The following CLOCK variants were observed in gnomAD, a reference collection of about 807,000 sequenced individuals.
CLOCK encodes circadian locomoter output cycles protein kaput.
In CLOCK, 43 loss-of-function variants were observed where a neutral mutation model predicts 118.4. The observed-to-expected ratio is 0.36, with a 90% CI of 0.28 to 0.47. The LOEUF (loss-of-function observed/expected upper bound fraction) is 0.47. CLOCK is among the 20% of genes least tolerant of loss of function. The pLI is 1.00. For synonymous variants in CLOCK, 326 were observed against 339.2 expected, an observed-to-expected ratio of 0.96 and a Z score of 0.43; for missense variants, 846 against 999.9, an observed-to-expected ratio of 0.85 and a Z score of 2.08.
At chr4:55,444,424 C>T (rs766996915) in intron 19 of CLOCK, among the ~76,000 whole-genome samples, 9 of 152,034 alleles carry the variant, frequency 5.9e-5, no homozygotes, top group Non-Finnish European at 1.3e-4. Flanking sequence ...ACTGGAGAAA[C>T]AAGGATGTTG....
At chr4:55,490,655 T>C (rs925785101) in intron 2 of CLOCK, among the ~76,000 whole-genome samples, 16 of 152,212 alleles carry the variant, frequency 1.1e-4, no homozygotes, top group Non-Finnish European at 1.9e-4. Flanking sequence ...CTTTAAATCA[T>C]CTCTAGATTA....
At position 55,453,088 on chromosome 4, in the gene CLOCK, A is replaced by G; in HGVS notation, c.1172T>C (p.Ile391Thr). Residue 391 changes from isoleucine (I) to threonine (T), a missense_variant, in exon 15 of 23, where the codon ATT becomes ACT. Around this residue, in one of 4 missense-constraint regions of CLOCK, gnomAD observed 520 missense variants for 558.0 expected, o/e 0.93. Coordinates refer to ENST00000513440, the MANE Select transcript of CLOCK (RefSeq NM_004898.4). ...VRAERRRELG[I>T]EESLPETAAD... The stretch of plus-strand genomic sequence containing the variant: ...AGCTGTCTCAGGAAGAGACTCTTCA[A>G]TGCCAAGTTCTCGTCGTCTTTCAGC... 1 of 1,612,792 alleles carries G rather than the reference A, an allele frequency of 6.2e-7. No individual in the cohort carries two copies. Among genetic ancestry groups the G allele is most frequent in the Non-Finnish European group, 8.5e-7 (1 of 1,179,122 alleles).
At chr4:55,472,758 G>C (rs936530689) in intron 7 of CLOCK, among the ~76,000 whole-genome samples, 1 of 151,220 alleles carries the variant, frequency 6.6e-6, no homozygotes, top group African/African-American at 2.4e-5. Flanking sequence ...TTGGGAAAGA[G>C]ATCTGGATAT....
chr4:55,491,549 T>C (rs1727694584), intron 2 of CLOCK, among the ~76,000 whole-genome samples: 1 of 152,032 alleles, frequency 6.6e-6, no homozygotes, highest in Non-Finnish European at 1.5e-5. Flanking sequence ...TCAATAAATA[T>C]ACACCAACAA....
At chr4:55,504,301 A>AAC (rs1447005762) in intron 2 of CLOCK, among the ~76,000 whole-genome samples, 1 of 150,706 alleles carries the variant, frequency 6.6e-6, no homozygotes, top group East Asian at 1.9e-4. Context: ...AAAAAAAAAA[A>AAC]AAAAAACACA....
Position 55,442,499 on chromosome 4 carries a change from A to G in CLOCK, c.2038T>C (p.Ser680Pro). 1 of 1,607,774 alleles carries G rather than the reference A, an allele frequency of 6.2e-7. No homozygotes were observed. Among genetic ancestry groups the G allele is most frequent in the South Asian group, 1.1e-5 (1 of 90,516 alleles). ...TGGGTGCTGTTTTGTGGCATACTAG[A>G]TGGAATCTGGACCATGCTTCCGGCT... ...PAAGSMVQIP[S>P]SMPQNSTQSA... The change falls in exon 21 of 23, where the codon TCT becomes CCT. Residue 680 changes from serine (S) to proline (P), a missense_variant. Physicochemically the swap from Ser to Pro is moderately conservative, Grantham distance 74 (BLOSUM62 -1). Around this residue, in one of 4 missense-constraint regions of CLOCK, gnomAD observed 520 missense variants for 558.0 expected, o/e 0.93. Coordinates refer to ENST00000513440, the MANE Select transcript of CLOCK (RefSeq NM_004898.4).
chr4:55,498,660 ATGACAAG>A (rs1333293525), intron 2 of CLOCK, among the ~76,000 whole-genome samples: 1 of 151,850 alleles, frequency 6.6e-6, no homozygotes, highest in African/African-American at 2.4e-5. Flanking sequence ...TTACCCTAAA[ATGACAAG>A]GTGTGGAAAA....
intron 1 of CLOCK, among the ~76,000 whole-genome samples, chr4:55,521,475 C>T (rs1260195721): frequency 6.6e-6 from 1 of 152,214 alleles, no homozygotes; most frequent in Non-Finnish European, 1.5e-5. Context: ...GCCTTGGCCT[C>T]CCAAAGTGCT....
rs10566273 is a variant in CLOCK, at chr4:55,454,613, CAAAAAAAA to C, written c.983-797_983-790del. Among the ~76,000 whole-genome samples the C allele has an allele frequency of 4.0e-3, 275 of 69,532 alleles. 2 individuals carry two copies. The highest frequency in any genetic ancestry group is 0.016 in the African/African-American group (262 of 16,304). The allele number at this position is 69,532 out of a possible 152,430, so 45.6% of individuals were successfully genotyped here. On this transcript the variant is annotated intron_variant, in intron 13 of 22. Coordinates refer to ENST00000513440, the MANE Select transcript of CLOCK (RefSeq NM_004898.4). Reference sequence around the variant, plus strand: ...TGGGTGACAAAGCAGGACTCCATCCCAAAAAAAAAAAAAAAAAAAAAAAAAGGGTTTGT... The same window carrying C: ...TGGGTGACAAAGCAGGACTCCATCCCAAAAAAAAAAAAAAAAAGGGTTTGT...
intron 1 of CLOCK, among the ~76,000 whole-genome samples, chr4:55,518,331 A>G (rs1729648903): frequency 6.6e-6 from 1 of 152,204 alleles, no homozygotes; most frequent in Admixed American, 6.5e-5. Flanking sequence ...GGGAGAATTT[A>G]TCTGACCAGT....
In CLOCK at chr4:55,443,650, T is replaced by C. The variant is rs758448555; in HGVS notation, c.1902+37A>G. ...CAGCAATAGTGTGCCTTCCAACCAC[T>C]GATCACTCCATAGCCCGCTGTGCTC... On this transcript the variant is annotated intron_variant, in intron 20 of 22. Coordinates refer to ENST00000513440, the MANE Select transcript of CLOCK (RefSeq NM_004898.4). The C allele has an allele frequency of 2.0e-6, 3 of 1,531,184 alleles. No homozygotes were observed. In the South Asian group the frequency reaches 3.4e-5, roughly 17 times the overall value. 94.8% of individuals were successfully genotyped at this position (1,531,184 alleles called of 1,614,324 possible). A position where few individuals can be genotyped will look rare whatever the true frequency, so the allele number is the denominator to read the frequency against.
At chr4:55,535,434 G>A (rs7659095) in intron 1 of CLOCK, among the ~76,000 whole-genome samples, 114,564 of 151,986 alleles carry the variant, frequency 0.75, 43,507 homozygotes, top group East Asian at 0.9. Flanking sequence ...GCGCCAGCTA[G>A]AGTGGCTCAT....
chr4:55,486,003 CT>C (rs1411203445), intron 3 of CLOCK, among the ~76,000 whole-genome samples: 3 of 152,216 alleles, frequency 2.0e-5, no homozygotes, highest in Non-Finnish European at 4.4e-5. Context: ...TCAGAGTCAT[CT>C]GGTGATATGA....
intron 20 of CLOCK, 56 bp from the exon 21 acceptor site, chr4:55,442,690 A>T (rs1723469632): frequency 7.0e-7 from 1 of 1,420,196 alleles, no homozygotes; most frequent in African/African-American, 1.4e-5. Context: ...TTATTTGGGA[A>T]GTATGCTAGA....
At chr4:55,493,735 A>G (rs1727872132) in intron 2 of CLOCK, among the ~76,000 whole-genome samples, 1 of 152,184 alleles carries the variant, frequency 6.6e-6, no homozygotes, top group Admixed American at 6.5e-5. Context: ...AATAAAACAC[A>G]TATTTGGTTT....
intron 1 of CLOCK, among the ~76,000 whole-genome samples, chr4:55,531,184 A>G (rs190690241): frequency 3.9e-5 from 6 of 152,210 alleles, no homozygotes; most frequent in African/African-American, 1.4e-4. Context: ...AAATAAGTAA[A>G]TATTTTATTT....
At chr4:55,443,608 G>T in intron 20 of CLOCK, 79 bp downstream of exon 20, 1 of 1,061,278 alleles carries the variant, frequency 9.4e-7, no homozygotes, top group East Asian at 2.4e-5. Flanking sequence ...TTTATCATTA[G>T]AGCTTTATTT....
intron 1 of CLOCK, among the ~76,000 whole-genome samples, chr4:55,544,850 G>C (rs1731502619): frequency 6.6e-6 from 1 of 152,052 alleles, no homozygotes; most frequent in Admixed American, 6.5e-5. Context: ...TATATAAAGA[G>C]CAAACATAAA....
intron 18 of CLOCK, among the ~76,000 whole-genome samples, 174 bp downstream of exon 18, chr4:55,448,589 CGCGCACGCGCGCGTGT>C (rs1378224421): frequency 8.8e-5 from 7 of 79,750 alleles, no homozygotes; most frequent in Non-Finnish European, 1.9e-4. Context: ...TATGTGCGCG[CGCGCACGCGCGCGTGT>C]GTGTGTGTGT....
Sources: gnomAD v4.1 joint callset for allele counts (sites outside exome capture counted in the v4.1 genomes callset) on GRCh38, gnomAD v4.1.1 for gene constraint, gnomAD v4.1.1 regional missense constraint, MANE v1.5 for transcripts, NCBI Gene and HGNC (gene_info 2026-07-23, HGNC 2026-07-21) for gene names.